ICA1L: variants seen among roughly 807,000 people sequenced by gnomAD.
The protein encoded by ICA1L is islet cell autoantigen 1 like, also known as islet cell autoantigen 1-like protein.
A neutral mutation model predicts 61.3 loss-of-function variants in ICA1L; 50 were observed. The ratio of observed to expected loss-of-function variants is 0.82; its 90% confidence interval spans 0.65 to 1.03. The LOEUF is 1.03. Among genes scored for constraint, ICA1L ranks in the 50% least tolerant of loss-of-function variants. The probability of loss-of-function intolerance (pLI) is 0.00; values close to 1 mark genes in which losing one functional copy is unlikely to be tolerated. For synonymous variants in ICA1L, 161 were observed against 191.3 expected (o/e 0.84, Z 1.31); for missense variants, 508 against 556.7 (o/e 0.91, Z 0.88).
At chr2:202,840,681 C>G in intron 1 of ICA1L, 1 of 597,430 alleles carries the variant, frequency 1.7e-6, no homozygotes, top group South Asian at 1.4e-5. Flanking sequence ...AGCTGCTACG[C>G]CATGTCCTGC....
In ICA1L at chr2:202,825,759, G is replaced by T; in HGVS notation, c.171C>A (p.His57Gln). Reference protein sequence around the residue: ...AELDAKLEVFHSVQETCTELL... With the variant: ...AELDAKLEVFQSVQETCTELL... The stretch of plus-strand genomic sequence containing the variant: ...GTTCAGTGCATGTCTCTTGAACAGA[G>T]TGAAAAACCTTGAGATATAAATTTT... The change falls in exon 3 of 13, where the codon CAC (histidine) becomes CAA (glutamine). Residue 57 changes from histidine to glutamine, a missense_variant. Physicochemically the swap from His to Gln is conservative, Grantham distance 24. Transcript: ENST00000358299. The T allele has an allele frequency of 6.4e-7, 1 of 1,560,736 alleles. No individual in the cohort carries two copies. Among genetic ancestry groups the T allele is most frequent in the Non-Finnish European group, 8.7e-7 (1 of 1,149,186 alleles).
intron 1 of ICA1L, among the ~76,000 whole-genome samples, chr2:202,842,037 T>G (rs1490400374): frequency 2.6e-5 from 4 of 152,006 alleles, no homozygotes; most frequent in African/African-American, 9.7e-5. Context: ...TTTTTTTTAG[T>G]GAAGACGAGG....
chr2:202,846,794 C>T (rs1414286001), intron 1 of ICA1L, among the ~76,000 whole-genome samples: 3 of 152,112 alleles, frequency 2.0e-5, no homozygotes. Context: ...TTTTATGTAG[C>T]AATCTTACCT....
chr2:202,836,846 TATAG>T (rs956471518), intron 1 of ICA1L, among the ~76,000 whole-genome samples: 1 of 69,238 alleles, frequency 1.4e-5, no homozygotes, highest in African/African-American at 4.4e-5. Flanking sequence ...GATATATAGA[TATAG>T]ATATTTTTTT....
chr2:202,859,736 C>A (rs1694861513), intron 1 of ICA1L, among the ~76,000 whole-genome samples: 2 of 152,100 alleles, frequency 1.3e-5, no homozygotes, highest in Admixed American at 6.6e-5. Flanking sequence ...GCAAAAGGTA[C>A]TTTTCTTAGA....
Position 202,773,465 on chromosome 2 carries a change from G to A in ICA1L, c.*6068C>T. 1 of 234,008 alleles carries A rather than the reference G, an allele frequency of 4.3e-6. No homozygotes were observed. The highest frequency in any genetic ancestry group is 8.4e-6 in the Non-Finnish European group (1 of 119,384). 14.5% of individuals were successfully genotyped at this position (234,008 alleles called of 1,614,324 possible). A position where few individuals can be genotyped will look rare whatever the true frequency, so the allele number is the denominator to read the frequency against. On this transcript the variant is annotated 3_prime_UTR_variant, in exon 13 of 13. Transcript: ENST00000358299. ...GAAGTAGTCATCACATGTCAATTAG[G>A]GATGTTTATCTCCAACAAGACACTG...
chr2:202,862,337 A>G (rs1694944821), intron 1 of ICA1L, among the ~76,000 whole-genome samples: 1 of 147,916 alleles, frequency 6.8e-6, no homozygotes. Flanking sequence ...CCTGTAGTGT[A>G]AGCGACTTTG....
At chr2:202,848,887 G>A (rs1694537819) in intron 1 of ICA1L, among the ~76,000 whole-genome samples, 1 of 152,102 alleles carries the variant, frequency 6.6e-6, no homozygotes, top group East Asian at 1.9e-4. Context: ...GCAGCTCCCA[G>A]GGAGACAAAC....
rs191665411 is a variant in ICA1L at position 202,839,297 on chromosome 2, G to A, written c.-7-10281C>T. Among the ~76,000 whole-genome samples the A allele has an allele frequency of 1.4e-4, 21 of 152,012 alleles. No homozygotes were observed. The East Asian group carries it at 3.9e-3, about 28-fold the overall frequency. On this transcript the variant is annotated intron_variant, in intron 1 of 12. Transcript: ENST00000358299. ...AGGTGGATCACAAGGTCAGAAGATC[G>A]AGACCGTCCTGGCTAACAAGGTGAA...
In ICA1L at chr2:202,774,376, G is replaced by A. The variant is rs1369752292; in HGVS notation, c.*5157C>T. ...CTCCGCTCAGCGTGGTCTGGCAGCCGGAGACCAGGCCTCACTGCGCCTCCA... is the reference window on the plus strand; with the variant it reads ...CTCCGCTCAGCGTGGTCTGGCAGCCAGAGACCAGGCCTCACTGCGCCTCCA... On this transcript the variant is annotated 3_prime_UTR_variant, in exon 13 of 13. Transcript: ENST00000358299. The A allele has an allele frequency of 4.7e-6, 6 of 1,284,484 alleles. No individual in the cohort carries two copies. The highest frequency in any genetic ancestry group is 1.6e-5 in the African/African-American group (1 of 62,778). The allele number at this position is 1,284,484 out of a possible 1,614,324, so 79.6% of individuals were successfully genotyped here.
intron 9 of ICA1L, among the ~76,000 whole-genome samples, chr2:202,802,596 G>A (rs1274724499): frequency 2.6e-5 from 4 of 151,568 alleles, no homozygotes; most frequent in African/African-American, 7.3e-5. Context: ...TCCTAAAAAC[G>A]GCCAGATACA....
intron 5 of ICA1L, among the ~76,000 whole-genome samples, chr2:202,818,358 G>T (rs187381556): frequency 1.0e-3 from 158 of 152,212 alleles, no homozygotes; most frequent in African/African-American, 3.8e-3. Context: ...GAGAGTGGGA[G>T]GGGGTGAAGA....
intron 9 of ICA1L, among the ~76,000 whole-genome samples, chr2:202,802,833 A>G (rs1198659970): frequency 1.3e-5 from 2 of 152,194 alleles, no homozygotes; most frequent in Non-Finnish European, 2.9e-5. Context: ...AATAAAATGT[A>G]TAACTTTCAA....
At chr2:202,813,313 A>G (rs555465655) in intron 8 of ICA1L, among the ~76,000 whole-genome samples, 2 of 152,282 alleles carry the variant, frequency 1.3e-5, no homozygotes, top group South Asian at 4.1e-4. Context: ...ATAACTAGAC[A>G]TTTTATCAAT....
chr2:202,822,559 T>A (rs1693730003), intron 3 of ICA1L, among the ~76,000 whole-genome samples: 1 of 152,066 alleles, frequency 6.6e-6, no homozygotes, highest in African/African-American at 2.4e-5. Context: ...TCACCACAAT[T>A]TAAGAAACAC....
chr2:202,811,878 A>G, intron 8 of ICA1L, 89 bp from the exon 9 acceptor site: 1 of 910,096 alleles, frequency 1.1e-6, no homozygotes, highest in South Asian at 1.4e-5. Context: ...GGTTAAAAAA[A>G]TTTTCTACTC....
intron 12 of ICA1L, among the ~76,000 whole-genome samples, chr2:202,782,051 T>A (rs1692423648): frequency 6.6e-6 from 1 of 152,122 alleles, no homozygotes; most frequent in Admixed American, 6.6e-5. Context: ...GTTGTTAAAA[T>A]TTTCAATTTT....
Position 202,788,924 on chromosome 2 carries a change from C to T in ICA1L, c.1149G>A (p.Glu383=), listed in dbSNP as rs758054828. The T allele has an allele frequency of 6.2e-7, 1 of 1,613,940 alleles. No homozygotes were observed. The highest frequency in any genetic ancestry group is 8.5e-7 in the Non-Finnish European group (1 of 1,179,866). ...GSPSASLTSQ[E]PSMGSEPLAH... ...CGAGGGGCTCAGACCCCATGGAAGG[C>T]TCCTGGGATGTGAGACTGGCACTGG... The change falls in exon 11 of 13, where the codon GAG becomes GAA. Residue 383 remains glutamate, a synonymous_variant. Coordinates refer to ENST00000358299, the MANE Select transcript of ICA1L (RefSeq NM_001288622.3).
At chr2:202,837,358 A>ACTGCAAGCTCCACCTCC (rs1261283996) in intron 1 of ICA1L, among the ~76,000 whole-genome samples, 3 of 151,508 alleles carry the variant, frequency 2.0e-5, no homozygotes, top group Non-Finnish European at 4.4e-5. Flanking sequence ...ATCTCGGCTC[A>ACTGCAAGCTCCACCTCC]CTGCAAGCTC....
Sources: allele counts gnomAD v4.1 joint callset (sites outside exome capture counted in the v4.1 genomes callset), GRCh38; gene constraint gnomAD v4.1.1; transcripts MANE v1.5; gene names NCBI Gene and HGNC (gene_info 2026-07-23, HGNC 2026-07-21).